The following KMT2C variants were observed in gnomAD, a reference collection of about 807,000 sequenced individuals.
KMT2C encodes the protein histone-lysine N-methyltransferase 2C.
KMT2C carries 88 observed loss-of-function variants against 507.9 expected under a neutral mutation model. The observed-to-expected ratio is 0.17, with a 90% CI of 0.15 to 0.21. The LOEUF (loss-of-function observed/expected upper bound fraction) is 0.21, where lower values mean the gene tolerates loss of function less well. KMT2C is among the 10% of genes least tolerant of loss of function. KMT2C has a pLI of 1.00. For missense variants in KMT2C, 4,954 were observed against 5,957.8 expected (o/e 0.83, Z 5.55); for synonymous variants, 2,049 against 2,080.8 (o/e 0.98, Z 0.42).
At chr7:152,140,424 G>A (rs942927642) in intron 55 of KMT2C, among the ~76,000 whole-genome samples, 3 of 152,234 alleles carry the variant, frequency 2.0e-5, no homozygotes, top group African/African-American at 7.2e-5. Context: ...AGCTCTCACT[G>A]CGCAGCTTGT....
At chr7:152,340,389 A>G (rs1043313445) in intron 2 of KMT2C, among the ~76,000 whole-genome samples, 4 of 152,190 alleles carry the variant, frequency 2.6e-5, no homozygotes, top group Admixed American at 6.5e-5. Flanking sequence ...AGAAGAAAAC[A>G]TAGCTAAGAA....
intron 20 of KMT2C, among the ~76,000 whole-genome samples, chr7:152,223,359 G>A (rs2094832420): frequency 6.6e-6 from 1 of 151,984 alleles, no homozygotes; most frequent in East Asian, 1.9e-4. Flanking sequence ...AGTGGTTTAA[G>A]GAGAACAGAA....
chr7:152,167,659 A>T (rs370605718), intron 41 of KMT2C, among the ~76,000 whole-genome samples: 1 of 152,226 alleles, frequency 6.6e-6, no homozygotes, highest in African/African-American at 2.4e-5. Context: ...TTATGTAATG[A>T]AATTCTTTTT....
In KMT2C at chr7:152,158,940, A is replaced by T. The variant is rs1461968051; in HGVS notation, c.11593T>A (p.Ser3865Thr). ...QRTGEKAAPR[S>T]KKRKKDEEEK... ...TCTTCGTCCTTTTTCCTTTTCTTTG[A>T]GCGAGGTGCTGCTTTCTCACCCGTC... Residue 3865 changes from serine (S) to threonine (T), a missense_variant, in exon 44 of 59, where the codon TCA (serine) becomes ACA (threonine). Coordinates refer to ENST00000262189, the MANE Select transcript of KMT2C (RefSeq NM_170606.3). 1 of 1,614,062 alleles carries T rather than the reference A, an allele frequency of 6.2e-7. No individual in the cohort carries two copies. Among genetic ancestry groups the T allele is most frequent in the Non-Finnish European group, 8.5e-7 (1 of 1,180,026 alleles).
At chr7:152,249,668 C>A (rs547928865) in intron 13 of KMT2C, among the ~76,000 whole-genome samples, 1 of 126,712 alleles carries the variant, frequency 7.9e-6, no homozygotes, top group South Asian at 2.7e-4. Flanking sequence ...ATGACCTCCC[C>A]CCTCCAAAAA....
At chr7:152,289,454 A>G (rs1396351911) in intron 6 of KMT2C, among the ~76,000 whole-genome samples, 1 of 152,258 alleles carries the variant, frequency 6.6e-6, no homozygotes, top group Non-Finnish European at 1.5e-5. Flanking sequence ...GTTACACCAT[A>G]GTTTTTCTTG....
At chr7:152,297,039 A>AAGAAAGACAGAC (rs2096511286) in intron 6 of KMT2C, among the ~76,000 whole-genome samples, 1 of 93,194 alleles carries the variant, frequency 1.1e-5, no homozygotes, top group African/African-American at 5.1e-5. Context: ...GAAAGAAAGA[A>AAGAAAGACAGAC]AGAAAGAAAG....
At chr7:152,178,549 G>A (rs1025275449) in intron 37 of KMT2C, among the ~76,000 whole-genome samples, 1 of 152,156 alleles carries the variant, frequency 6.6e-6, no homozygotes, top group Non-Finnish European at 1.5e-5. Context: ...TTAAGTAAAT[G>A]TATAAATTGT....
chr7:152,326,733 T>C (rs986332444), intron 3 of KMT2C, among the ~76,000 whole-genome samples: 3 of 151,826 alleles, frequency 2.0e-5, no homozygotes, highest in Non-Finnish European at 4.4e-5. Flanking sequence ...ACAAAAAAAT[T>C]AGCCGGGTGT....
chr7:152,253,089 A>C (rs1287444407), intron 9 of KMT2C, among the ~76,000 whole-genome samples: 3 of 152,004 alleles, frequency 2.0e-5, no homozygotes, highest in Admixed American at 2.0e-4. Flanking sequence ...TCCTGACCTC[A>C]AGTGATCTGC....
chr7:152,269,343 A>G (rs971177839), intron 7 of KMT2C, among the ~76,000 whole-genome samples: 4 of 152,232 alleles, frequency 2.6e-5, no homozygotes, highest in African/African-American at 9.6e-5. Flanking sequence ...TAATTTTTAA[A>G]AGCACTACAC....
rs182856324 is a variant in KMT2C, at chr7:152,248,571, A to T, written c.1863T>A (p.Asn621Lys). 507 of 1,613,592 alleles carry T rather than the reference A, an allele frequency of 3.1e-4. 1 individual carries two copies. Among genetic ancestry groups the T allele is most frequent in the Non-Finnish European group, 3.1e-4 (371 of 1,179,648 alleles). Residue 621 changes from asparagine (N) to lysine (K), a missense_variant, in exon 14 of 59, where the codon AAT (asparagine) becomes AAA (lysine). Asn to Lys is a moderately conservative substitution (Grantham distance 94). Around this residue, in one of 29 missense-constraint regions of KMT2C, gnomAD observed 376 missense variants for 352.4 expected, o/e 1.07. Coordinates refer to ENST00000262189, the MANE Select transcript of KMT2C (RefSeq NM_170606.3). ...VNTELEKQISNEVDSEDLKMS... is the reference protein window; with the variant it reads ...VNTELEKQISKEVDSEDLKMS... The stretch of plus-strand genomic sequence containing the variant: ...TTTTCAGGTCTTCACTATCAACTTC[A>T]TTAGAAATCTGTTTTTCCAATTCAG...
intron 1 of KMT2C, among the ~76,000 whole-genome samples, chr7:152,362,306 G>A (rs9690324): frequency 0.33 from 50,208 of 151,936 alleles, 12,287 homozygotes; most frequent in African/African-American, 0.69. Flanking sequence ...GAGCAAGTGA[G>A]GGGGGTTAGA....
intron 6 of KMT2C, among the ~76,000 whole-genome samples, chr7:152,300,069 AAC>A (rs1262506759): frequency 6.6e-6 from 1 of 152,212 alleles, no homozygotes; most frequent in African/African-American, 2.4e-5. Flanking sequence ...TAAACATTAG[AAC>A]ACTTATCACA....
chr7:152,314,390 TC>T (rs1483166561), intron 4 of KMT2C, among the ~76,000 whole-genome samples: 2 of 152,144 alleles, frequency 1.3e-5, no homozygotes, highest in Admixed American at 1.3e-4. Flanking sequence ...AAACTTCTAC[TC>T]CCTTAACCAG....
intron 2 of KMT2C, among the ~76,000 whole-genome samples, chr7:152,334,183 C>T (rs937585282): frequency 6.6e-6 from 1 of 152,102 alleles, no homozygotes; most frequent in African/African-American, 2.4e-5. Flanking sequence ...GGGCCGGGTG[C>T]GGTGGCTCAC....
Position 152,173,461 on chromosome 7 carries a change from G to A in KMT2C, c.9374+670C>T, listed in dbSNP as rs563082237. ...TCTTATTTAGTAGGTCTGCAGTAGA[G>A]CAAAATAATCTGCATTTTAAAAAAA... On this transcript the variant is annotated intron_variant, in intron 39 of 58. Coordinates refer to ENST00000262189, the MANE Select transcript of KMT2C (RefSeq NM_170606.3). Among the ~76,000 whole-genome samples, 4 of 152,142 alleles carry A rather than the reference G, an allele frequency of 2.6e-5. No homozygotes were observed. The South Asian group carries it at 6.2e-4, about 24-fold the overall frequency.
At chr7:152,280,488 T>C (rs1192117708) in intron 6 of KMT2C, among the ~76,000 whole-genome samples, 6 of 147,462 alleles carry the variant, frequency 4.1e-5, no homozygotes, top group African/African-American at 1.5e-4. Flanking sequence ...GAGGCAGAGG[T>C]TGCAGTGAGC....
intron 6 of KMT2C, among the ~76,000 whole-genome samples, chr7:152,283,551 A>G (rs565650813): frequency 6.6e-6 from 1 of 152,328 alleles, no homozygotes. Flanking sequence ...AAGAACAGTA[A>G]AAGAACTTCT....
Sources: allele counts gnomAD v4.1 joint callset (sites outside exome capture counted in the v4.1 genomes callset), GRCh38; gene constraint gnomAD v4.1.1; regional missense constraint gnomAD v4.1.1; transcripts MANE v1.5; gene names NCBI Gene and HGNC (gene_info 2026-07-23, HGNC 2026-07-21).